The following ERI2 variants were observed in gnomAD, a reference collection of about 807,000 sequenced individuals.
ERI2 encodes the protein ERI1 exoribonuclease 2.
ERI2 carries 35 observed loss-of-function variants against 46.8 expected under a neutral mutation model. That is an observed-to-expected ratio of 0.75 (90% CI 0.57 to 0.99). The LOEUF is 0.99. Ranked by LOEUF, ERI2 falls within the 50% of genes least tolerant of loss-of-function variation. The pLI is 0.00. For missense variants in ERI2, 695 were observed against 796.2 expected, an observed-to-expected ratio of 0.87 and a Z score of 1.53; for synonymous variants, 224 against 271.0, an observed-to-expected ratio of 0.83 and a Z score of 1.70.
At chr16:20,803,764 C>A in intron 1 of ERI2, 94 bp from the exon 2 acceptor site, 1 of 1,435,780 alleles carries the variant, frequency 7.0e-7, no homozygotes, top group South Asian at 1.2e-5. Context: ...GCAACAATCT[C>A]ATTATTTATT....
rs887588709 is a variant in ERI2 at position 20,791,030 on chromosome 16, G to A, written c.733-98C>T. On this transcript the variant is annotated intron_variant, in intron 8 of 10. Transcript: ENST00000300005. ...AATCCAGTTAGTGCTCTTTCTTTTC[G>A]GGAAGAGTGAGAGGGACAGGGGATG... 6.9e-6 allele frequency: 9 copies of A among 1,309,116 alleles called. No homozygotes were observed. The East Asian group carries it at 7.1e-5, about 10-fold the overall frequency. 81.1% of individuals were successfully genotyped at this position (1,309,116 alleles called of 1,614,324 possible).
At chr16:20,787,941 T>C (rs1441586633) in intron 10 of ERI2, among the ~76,000 whole-genome samples, 1 of 152,118 alleles carries the variant, frequency 6.6e-6, no homozygotes, top group Non-Finnish European at 1.5e-5. Flanking sequence ...TCTCAGATGG[T>C]TGGTAAACCA....
At chr16:20,787,631 T>G (rs933418362) in intron 10 of ERI2, among the ~76,000 whole-genome samples, 1 of 152,234 alleles carries the variant, frequency 6.6e-6, no homozygotes, top group Non-Finnish European at 1.5e-5. Context: ...TAGATGAGCT[T>G]GATTGCTGCT....
At chr16:20,792,539 T>C, downstream of ERI2, 1 of 985,342 alleles carries the variant, frequency 1.0e-6, no homozygotes, top group Non-Finnish European at 1.2e-6. Context: ...ACAAACAAAA[T>C]AAGGCTGAAA....
At chr16:20,800,507 A>G (rs1309959028) in intron 5 of ERI2, 105 bp from the exon 6 acceptor site, 4 of 621,984 alleles carry the variant, frequency 6.4e-6, no homozygotes, top group African/African-American at 1.9e-5. Flanking sequence ...ATAAAATAGA[A>G]CAGTATGATT....
At chr16:20,802,770 T>A in intron 4 of ERI2, 26 bp downstream of exon 4, 2 of 1,574,636 alleles carry the variant, frequency 1.3e-6, no homozygotes, top group South Asian at 2.3e-5. Context: ...GAAACTGACT[T>A]CTGAATTTTA....
rs928661815 is a variant in ERI2 at position 20,797,842 on chromosome 16, G to A, written c.1958C>T (p.Pro653Leu). Residue 653 changes from proline (P) to leucine (L), a missense_variant, in exon 9 of 9, where the codon CCA (proline) becomes CTA (leucine). Physicochemically the swap from Pro to Leu is moderately conservative, Grantham distance 98 (BLOSUM62 -3). Transcript: ENST00000357967. ...LQKERANSMV[P>L]SHSTGGLTFS... is the part of the protein sequence containing the mutation. ...AGTGAGTCCCCCTGTGGAATGAGAT[G>A]GAACCATGCTGTTGGCTCTTTCCTT... The A allele has an allele frequency of 6.4e-7, 1 of 1,551,538 alleles. No individual in the cohort carries two copies. Among genetic ancestry groups the A allele is most frequent in the Non-Finnish European group, 8.7e-7 (1 of 1,146,866 alleles).
intron 1 of ERI2, among the ~76,000 whole-genome samples, chr16:20,804,658 C>T (rs577784455): frequency 6.6e-6 from 1 of 151,556 alleles, no homozygotes; most frequent in East Asian, 1.9e-4. Context: ...AGAGCGAGAC[C>T]CTGTCTCAAA....
rs202155170 is a variant in ERI2, at chr16:20,785,083, C to T, written c.895-4349G>A. The T allele has an allele frequency of 6.3e-5, 101 of 1,613,224 alleles. 1 individual carries two copies. The African/African-American group carries it at 8.4e-4, about 13-fold the overall frequency. ...GAAACAAGACGGGCCTGGATATCTA[C>T]GAAGGATATGGACAGACTGAAACGG... On this transcript the variant is annotated intron_variant, in intron 10 of 10. Transcript: ENST00000300005.
chr16:20,781,594 G>A, intron 10 of ERI2: 1 of 831,916 alleles, frequency 1.2e-6, no homozygotes, highest in East Asian at 2.6e-5. Context: ...GAAAAGGTAA[G>A]AATGTATTTA....
intron 1 of ERI2, 129 bp from the exon 2 acceptor site, chr16:20,803,799 A>T: frequency 8.4e-7 from 1 of 1,193,666 alleles, no homozygotes; most frequent in Non-Finnish European, 1.2e-6. Flanking sequence ...ATCGAACTGG[A>T]CTTTGGCTTT....
chr16:20,792,837 A>G, downstream of ERI2: 1 of 487,292 alleles, frequency 2.1e-6, no homozygotes, highest in Non-Finnish European at 2.7e-6. Flanking sequence ...TGAATAACAC[A>G]GGTGTCCTGA....
chr16:20,798,994 C>T lies in ERI2; in HGVS notation c.806G>A (p.Cys269Tyr). 1 of 1,537,872 alleles carries T rather than the reference C, an allele frequency of 6.5e-7. No individual in the cohort carries two copies. Among genetic ancestry groups the T allele is most frequent in the South Asian group, 1.2e-5 (1 of 80,080 alleles). Residue 269 changes from cysteine to tyrosine, a missense_variant, in exon 9 of 9, where the codon TGT becomes TAT. Transcript: ENST00000357967. ...GCTGGGACCCTGGATGCTAATGTTA[C>T]AGGCAGACATTTCTTCAACTTGAAT... ...NTIQVEEMSA[C>Y]NISIQGPSIY...
At position 20,800,399 on chromosome 16, in the gene ERI2, C is replaced by T; in HGVS notation, c.464G>A (p.Trp155Ter). ...ATACTCCAGGCAAACCCCCAAGTCC[C>T]AGTCTGCATTAGGTACATTAAAATA... ...KLCAFVTWSD[W>*]DLGVCLEYEC... Residue 155 changes from tryptophan to a stop codon, truncating the protein, a stop_gained, in exon 6 of 9, where the codon TGG becomes TAG. Coordinates refer to ENST00000357967, the MANE Select transcript of ERI2 (RefSeq NM_001142725.2). LOFTEE classifies it high-confidence loss of function. The T allele has an allele frequency of 6.3e-7, 1 of 1,593,938 alleles. No homozygotes were observed.
Position 20,797,528 on chromosome 16 carries a change from C to A in ERI2, c.*196G>T, listed in dbSNP as rs895011746. 1 of 1,193,190 alleles carries A rather than the reference C, an allele frequency of 8.4e-7. No individual in the cohort carries two copies. Among genetic ancestry groups the A allele is most frequent in the Non-Finnish European group, 1.0e-6 (1 of 962,144 alleles). 73.9% of individuals were successfully genotyped at this position (1,193,190 alleles called of 1,614,324 possible). On this transcript the variant is annotated 3_prime_UTR_variant, in exon 9 of 9. Transcript: ENST00000357967. ...CAAGGTCTAACTATAAAAGAAGGAT[C>A]ATATACTATTGTTGCTTATTATATG...
intron 9 of ERI2, chr16:20,789,625 A>C: frequency 1.9e-6 from 2 of 1,075,844 alleles, no homozygotes; most frequent in African/African-American, 1.6e-5. Flanking sequence ...ATCAAGACCT[A>C]TTGCTAAATG....
At chr16:20,795,658 ATAG>A (rs2080707269), downstream of ERI2, among the ~76,000 whole-genome samples, 3 of 152,330 alleles carry the variant, frequency 2.0e-5, no homozygotes, top group South Asian at 6.2e-4. Context: ...GCATCATTCC[ATAG>A]CCAGCTCCGG....
rs1415612660 is a variant in ERI2 at position 20,798,287 on chromosome 16, T to C, written c.1513A>G (p.Lys505Glu). ...TTAACTCTGTTGAAGGTACTTGATT[T>C]GTGTTCAGGTAACTTAAAGGCAGAA... The part of the protein sequence containing the change: ...DISAFKLPEH[K>E]SSTFNRVNAN... The change falls in exon 9 of 9, where the codon AAA becomes GAA. Residue 505 changes from lysine to glutamate, a missense_variant. Physicochemically the swap from Lys to Glu is moderately conservative, Grantham distance 56. Transcript: ENST00000357967. The C allele has an allele frequency of 1.3e-6, 2 of 1,551,588 alleles. No individual in the cohort carries two copies. The highest frequency in any genetic ancestry group is 3.9e-5 in the Admixed American group (2 of 51,002).
intron 8 of ERI2, among the ~76,000 whole-genome samples, chr16:20,791,229 CTTG>C (rs1476845475): frequency 6.6e-6 from 1 of 152,162 alleles, no homozygotes; most frequent in African/African-American, 2.4e-5. Context: ...GTAACAGTAT[CTTG>C]TTTTTTCTTA....
Sources: gnomAD v4.1 joint callset for allele counts (sites outside exome capture counted in the v4.1 genomes callset) on GRCh38, gnomAD v4.1.1 for gene constraint, MANE v1.5 for transcripts, NCBI Gene and HGNC (gene_info 2026-07-23, HGNC 2026-07-21) for gene names.